Variants in KLHL14 observed in about 807,000 individuals in gnomAD.
The protein encoded by KLHL14 is kelch-like protein 14.
KLHL14 carries 22 observed loss-of-function variants against 64.3 expected under a neutral mutation model. That is an observed-to-expected ratio of 0.34 (90% CI 0.24 to 0.49). The LOEUF (loss-of-function observed/expected upper bound fraction) is 0.49. Ranked by LOEUF, KLHL14 falls within the 20% of genes least tolerant of loss-of-function variation. KLHL14 has a pLI of 0.99. For missense variants in KLHL14, 661 were observed against 789.0 expected (o/e 0.84, Z 1.94); for synonymous variants, 322 against 333.4 (o/e 0.97, Z 0.37).
intron 3 of KLHL14, among the ~76,000 whole-genome samples, chr18:32,697,956 T>A (rs779435316): frequency 3.9e-5 from 6 of 152,226 alleles, no homozygotes; most frequent in African/African-American, 7.2e-5. Context: ...CATTCCTGAA[T>A]TATTGTCTTT....
In KLHL14 at chr18:32,680,277, C is replaced by T. The variant is rs377243562; in HGVS notation, c.1480G>A (p.Val494Ile). 2.5e-6 allele frequency: 4 copies of T among 1,613,798 alleles called. No homozygotes were observed. Among genetic ancestry groups the T allele is most frequent in the Non-Finnish European group, 3.4e-6 (4 of 1,179,856 alleles). ...YVPWLYCYDP[V>I]MDVWARKQDM... ...TGTTTTCGAGCCCAGACATCCATTA[C>T]TGGGTCATAGCAATATAGCCATGGG... Residue 494 changes from valine to isoleucine, a missense_variant, in exon 7 of 9, where the codon GTA becomes ATA. This residue lies in a region of KLHL14 where 330 missense variants were observed against 450.0 expected (regional missense o/e 0.73). Transcript: ENST00000359358. This position sits in a 1 kb window ranked among gnomAD's most constrained non-coding sequence, Gnocchi z 4.8.
Position 32,762,856 on chromosome 18 carries a change from A to C in KLHL14, c.947+6789T>G, listed in dbSNP as rs748486518. ...AGAGAAGACAAACATTTATGATCTA[A>C]CAATTGTTAAATTGATTTTCTTGAA... On this transcript the variant is annotated intron_variant, in intron 2 of 8. Coordinates refer to ENST00000359358, the MANE Select transcript of KLHL14 (RefSeq NM_020805.3). Among the ~76,000 whole-genome samples the C allele has an allele frequency of 2.6e-5, 4 of 152,210 alleles. No homozygotes were observed. The South Asian group carries it at 8.3e-4, about 31-fold the overall frequency.
At chr18:32,743,368 C>T (rs1009870700) in intron 2 of KLHL14, 5 of 150,886 alleles carry the variant, frequency 3.3e-5, no homozygotes, top group East Asian at 3.9e-4. Context: ...ACCTAACATT[C>T]GGAGAGTTAA....
chr18:32,692,792 T>C (rs1266677496), intron 4 of KLHL14, among the ~76,000 whole-genome samples: 1 of 152,234 alleles, frequency 6.6e-6, no homozygotes, highest in Non-Finnish European at 1.5e-5. Flanking sequence ...AGCTATGTTT[T>C]CTGGCAAGTC....
At chr18:32,695,360 C>G (rs2049931495) in intron 4 of KLHL14, 103 bp downstream of exon 4, 2 of 750,066 alleles carry the variant, frequency 2.7e-6, no homozygotes, top group Non-Finnish European at 4.7e-6. Flanking sequence ...CCCCGTTGCA[C>G]AGAAATGTAT....
At position 32,770,068 on chromosome 18, in the gene KLHL14, T is replaced by C; in HGVS notation, c.524A>G (p.Gln175Arg). 1 of 1,614,076 alleles carries C rather than the reference T, an allele frequency of 6.2e-7. No homozygotes were observed. The highest frequency in any genetic ancestry group is 8.5e-7 in the Non-Finnish European group (1 of 1,179,998). The change falls in exon 2 of 9, where the codon CAG (glutamine) becomes CGG (arginine). Residue 175 changes from glutamine (Q) to arginine (R), a missense_variant. This residue lies in a region of KLHL14 where 331 missense variants were observed against 339.0 expected (regional missense o/e 0.98). Coordinates refer to ENST00000359358, the MANE Select transcript of KLHL14 (RefSeq NM_020805.3). This position sits in a 1 kb window ranked among gnomAD's most constrained non-coding sequence, Gnocchi z 6.7. ...CACCGAGATCTGGTCGTTGAGGAAC[T>C]GCACGCAGAGCTTGGTGACCTGGGG... The part of the protein sequence containing the change: ...HIPQVTKLCV[Q>R]FLNDQISVQN...
chr18:32,683,915 A>AC lies in KLHL14; in HGVS notation c.1238+3239dup, dbSNP rs1262315408. ...ATTGTTTCTTGTAACACAAAATATT[A>AC]CTAGAAAAACAAAATATTTAAAATT... On this transcript the variant is annotated intron_variant, in intron 5 of 8. Coordinates refer to ENST00000359358, the MANE Select transcript of KLHL14 (RefSeq NM_020805.3). The surrounding 1 kb of genome is among the most constrained non-coding windows in gnomAD (Gnocchi z 4.2). Among the ~76,000 whole-genome samples the AC allele has an allele frequency of 6.6e-6, 1 of 152,204 alleles. No homozygotes were observed. Among genetic ancestry groups the AC allele is most frequent in the Admixed American group, 6.5e-5 (1 of 15,276 alleles).
At chr18:32,704,075 A>C (rs1460075845) in intron 3 of KLHL14, among the ~76,000 whole-genome samples, 2 of 152,240 alleles carry the variant, frequency 1.3e-5, no homozygotes, top group African/African-American at 4.8e-5. Flanking sequence ...CAAAAGGCTC[A>C]TGTCAAAAAT....
At chr18:32,705,419 A>T (rs28458243) in intron 3 of KLHL14, among the ~76,000 whole-genome samples, 3,503 of 152,302 alleles carry the variant, frequency 0.023, 131 homozygotes, top group African/African-American at 0.08. Flanking sequence ...ACAAAATAAA[A>T]TTTTTTAAAA....
At chr18:32,728,667 A>G (rs1274723932) in intron 3 of KLHL14, among the ~76,000 whole-genome samples, 5 of 152,118 alleles carry the variant, frequency 3.3e-5, no homozygotes, top group African/African-American at 7.2e-5. Context: ...TTGTAATGGT[A>G]AGGATGTATT....
intron 3 of KLHL14, among the ~76,000 whole-genome samples, chr18:32,697,168 T>C (rs775829825): frequency 7.9e-5 from 12 of 152,240 alleles, no homozygotes; most frequent in Non-Finnish European, 1.6e-4. Context: ...CCTGCGTAGA[T>C]GCTACAGGCT....
intron 3 of KLHL14, among the ~76,000 whole-genome samples, chr18:32,707,996 T>C (rs1598557609): frequency 6.6e-6 from 1 of 152,144 alleles, no homozygotes; most frequent in East Asian, 1.9e-4. Context: ...AGTGGCTGGG[T>C]CTGCTTTAGA....
chr18:32,739,791 C>T (rs1238828865), intron 3 of KLHL14, among the ~76,000 whole-genome samples: 3 of 151,992 alleles, frequency 2.0e-5, no homozygotes, highest in Non-Finnish European at 2.9e-5. Context: ...AGAATATGCT[C>T]CCTACTCTCG....
intron 3 of KLHL14, among the ~76,000 whole-genome samples, chr18:32,733,389 G>GGAGAGA (rs34935950): frequency 0.047 from 6,882 of 147,450 alleles, 224 homozygotes; most frequent in African/African-American, 0.083. Flanking sequence ...GAGAGAGAAA[G>GGAGAGA]GAGAGAGAGA....
chr18:32,722,197 T>C (rs1326899493), intron 3 of KLHL14, among the ~76,000 whole-genome samples: 1 of 152,208 alleles, frequency 6.6e-6, no homozygotes, highest in African/African-American at 2.4e-5. Context: ...CTTTCCTTTA[T>C]AATTACCCAG....
intron 2 of KLHL14, among the ~76,000 whole-genome samples, chr18:32,757,991 G>T (rs967160848): frequency 1.3e-5 from 2 of 152,078 alleles, no homozygotes. Flanking sequence ...ACCATAAGAA[G>T]CCCTATGATG....
chr18:32,766,800 AT>A (rs1459605031), intron 2 of KLHL14, among the ~76,000 whole-genome samples: 2 of 152,202 alleles, frequency 1.3e-5, no homozygotes, highest in East Asian at 1.9e-4. Context: ...TAATTTGAGT[AT>A]TTGTATAAAG....
chr18:32,702,145 T>C (rs1448762380), intron 3 of KLHL14, among the ~76,000 whole-genome samples: 1 of 152,172 alleles, frequency 6.6e-6, no homozygotes, highest in East Asian at 1.9e-4. Flanking sequence ...TTTTAAGGTA[T>C]TCTTTTCTAG....
chr18:32,772,322 G>T, intron 1 of KLHL14: 1 of 284,656 alleles, frequency 3.5e-6, no homozygotes, highest in South Asian at 2.9e-5. Context: ...CCCTCCGCCG[G>T]CAGCACCCCC....
Sources: allele counts gnomAD v4.1 joint callset (sites outside exome capture counted in the v4.1 genomes callset), GRCh38; gene constraint gnomAD v4.1.1; regional missense constraint gnomAD v4.1.1; non-coding constraint Gnocchi (gnomAD v3.1); transcripts MANE v1.5; gene names NCBI Gene and HGNC (gene_info 2026-07-23, HGNC 2026-07-21).